The following AGMO variants were observed in gnomAD, a reference collection of about 807,000 sequenced individuals.
AGMO encodes glyceryl-ether monooxygenase.
A neutral mutation model predicts 60.2 loss-of-function variants in AGMO; 75 were observed. The ratio of observed to expected loss-of-function variants is 1.25; its 90% CI spans 1.03 to 1.51. The LOEUF (loss-of-function observed/expected upper bound fraction) is 1.51. AGMO is among the 40% of genes most tolerant of loss of function. The probability of loss-of-function intolerance (pLI) is 0.00; values close to 1 mark genes in which losing one functional copy is unlikely to be tolerated. For synonymous variants in AGMO, 261 were observed against 177.1 expected, an observed-to-expected ratio of 1.47 and a Z score of -3.76; for missense variants, 763 against 525.5, an observed-to-expected ratio of 1.45 and a Z score of -4.42.
chr7:15,308,867 C>T (rs536556258), intron 12 of AGMO, among the ~76,000 whole-genome samples: 1 of 152,122 alleles, frequency 6.6e-6, no homozygotes, highest in Non-Finnish European at 1.5e-5. Flanking sequence ...TACCTAAACA[C>T]ATTCAGTCAA....
chr7:15,475,273 A>G (rs1020224904), intron 3 of AGMO, among the ~76,000 whole-genome samples: 1 of 152,322 alleles, frequency 6.6e-6, no homozygotes, highest in Middle Eastern at 3.4e-3. Flanking sequence ...TCACAATAGC[A>G]AAGACTTGGA....
At chr7:15,406,806 GTACACATATATACCCACGTA>G (rs2128491240) in intron 5 of AGMO, among the ~76,000 whole-genome samples, 1 of 99,486 alleles carries the variant, frequency 1.0e-5, no homozygotes, top group African/African-American at 3.9e-5. Context: ...GCGTGCATAT[GTACACATATATACCCACGTA>G]TACACATATA....
chr7:15,315,489 C>T (rs1198677263), intron 12 of AGMO, among the ~76,000 whole-genome samples: 1 of 151,736 alleles, frequency 6.6e-6, no homozygotes, highest in African/African-American at 2.4e-5. Context: ...AGGCATGCGC[C>T]ACCACGCCCA....
At chr7:15,396,035 T>C (rs1319492395) in intron 5 of AGMO, 1 of 152,216 alleles carries the variant, frequency 6.6e-6, no homozygotes, top group Non-Finnish European at 1.5e-5. Context: ...TTAAGCACAT[T>C]GTTTACCCAC....
At chr7:15,333,384 T>A (rs1316408902) in intron 12 of AGMO, among the ~76,000 whole-genome samples, 1 of 152,096 alleles carries the variant, frequency 6.6e-6, no homozygotes, top group Non-Finnish European at 1.5e-5. Context: ...AAAGTCCATT[T>A]CATAAGTAAG....
At chr7:15,425,443 T>A (rs534396672) in intron 4 of AGMO, among the ~76,000 whole-genome samples, 1,828 of 151,592 alleles carry the variant, frequency 0.012, 29 homozygotes, top group African/African-American at 0.04. Flanking sequence ...TTTTATTTTT[T>A]TTTTTTTGAG....
chr7:15,382,092 T>A (rs938517309), intron 10 of AGMO, among the ~76,000 whole-genome samples: 1 of 152,150 alleles, frequency 6.6e-6, no homozygotes, highest in Non-Finnish European at 1.5e-5. Context: ...GATGATAAAA[T>A]AATCCATACA....
chr7:15,424,524 CA>C (rs1583537522), intron 4 of AGMO, among the ~76,000 whole-genome samples: 1 of 152,238 alleles, frequency 6.6e-6, no homozygotes, highest in African/African-American at 2.4e-5. Flanking sequence ...CACTGAAAAT[CA>C]GAGAATAATT....
chr7:15,199,299 A>T (rs988171758), downstream of AGMO, among the ~76,000 whole-genome samples: 7 of 152,224 alleles, frequency 4.6e-5, no homozygotes, highest in African/African-American at 1.7e-4. Flanking sequence ...AATCACAGTG[A>T]GGTAAACCCA....
intron 12 of AGMO, among the ~76,000 whole-genome samples, chr7:15,248,119 T>C (rs1782803681): frequency 7.1e-6 from 1 of 140,824 alleles, no homozygotes; most frequent in Admixed American, 7.5e-5. Flanking sequence ...TTAGCTGTTG[T>C]GGTGTAAGAC....
At chr7:15,196,910 GA>G (rs1781130877), downstream of AGMO, among the ~76,000 whole-genome samples, 1 of 152,204 alleles carries the variant, frequency 6.6e-6, no homozygotes, top group African/African-American at 2.4e-5. Context: ...ATCTGCAAGA[GA>G]TAAACATCAA....
At chr7:15,364,574 G>C (rs1490585958) in intron 12 of AGMO, among the ~76,000 whole-genome samples, 1 of 151,914 alleles carries the variant, frequency 6.6e-6, no homozygotes, top group Non-Finnish European at 1.5e-5. Context: ...ATGCTGCAAG[G>C]AATAATATTG....
At chr7:15,544,016 T>C (rs1332664629) in intron 3 of AGMO, among the ~76,000 whole-genome samples, 1 of 151,990 alleles carries the variant, frequency 6.6e-6, no homozygotes, top group Admixed American at 6.6e-5. Context: ...GTGGTATATA[T>C]TTAGCATGGA....
At chr7:15,118,381 C>T in the AGMO span, among the ~76,000 whole-genome samples, 1 of 151,922 alleles carries the variant, frequency 6.6e-6, no homozygotes, top group African/African-American at 2.4e-5. Context: ...TCTGCTATTC[C>T]ATTTACACTG....
chr7:15,321,475 C>T (rs1023285313), intron 12 of AGMO, among the ~76,000 whole-genome samples: 1 of 152,012 alleles, frequency 6.6e-6, no homozygotes, highest in African/African-American at 2.4e-5. Context: ...CAGATATACC[C>T]AAAATTTACA....
At chr7:15,387,260 A>T in intron 9 of AGMO, 146 bp downstream of exon 9, 1 of 877,070 alleles carries the variant, frequency 1.1e-6, no homozygotes, top group Non-Finnish European at 1.7e-6. Context: ...GATACTCATT[A>T]AGTAAGTTAT....
intron 12 of AGMO, among the ~76,000 whole-genome samples, chr7:15,254,911 CAAG>C (rs1383739567): frequency 1.4e-4 from 22 of 151,972 alleles, no homozygotes; most frequent in Admixed American, 2.6e-4. Context: ...ATAATTGAAT[CAAG>C]AAGAAATAGA....
rs571625115 is a variant in AGMO at position 15,279,463 on chromosome 7, C to T, written c.1264-78104G>A. On this transcript the variant is annotated intron_variant, in intron 12 of 12. Transcript: ENST00000342526. ...CAACCATCTTGAACTGGAATGAACA[C>T]TGGTTGTTTTTTTTTATTTTTTTTA... 9.2e-5 allele frequency among the ~76,000 whole-genome samples: 14 copies of T among 152,122 alleles called. No homozygotes were observed. In the South Asian group the frequency reaches 1.5e-3, roughly 16 times the overall value.
intron 3 of AGMO, among the ~76,000 whole-genome samples, chr7:15,493,756 C>A (rs1399496342): frequency 2.6e-5 from 4 of 152,092 alleles, no homozygotes; most frequent in South Asian, 2.1e-4. Flanking sequence ...GAGTGCATAT[C>A]CTGAGAAGAA....
Sources: allele counts gnomAD v4.1 joint callset (sites outside exome capture counted in the v4.1 genomes callset), GRCh38; gene constraint gnomAD v4.1.1; transcripts MANE v1.5; gene names NCBI Gene and HGNC (gene_info 2026-07-23, HGNC 2026-07-21).